FYB2: variants seen among roughly 807,000 people sequenced by gnomAD.
FYB2 encodes FYN-binding protein 2.
A neutral mutation model predicts 94.1 loss-of-function variants in FYB2; 103 were observed. The observed-to-expected ratio is 1.09, with a 90% CI of 0.93 to 1.29. The LOEUF is 1.29. Among genes scored for constraint, FYB2 ranks in the 50% most tolerant of loss-of-function variants. FYB2 has a pLI of 0.00. For missense variants in FYB2, 896 were observed against 841.5 expected (o/e 1.06, Z -0.80); for synonymous variants, 293 against 287.9 (o/e 1.02, Z -0.18).
chr1:56,722,927 A>G (rs1325806920), intron 17 of FYB2, among the ~76,000 whole-genome samples: 1 of 152,048 alleles, frequency 6.6e-6, no homozygotes, highest in Non-Finnish European at 1.5e-5. Context: ...TTCATAGTTA[A>G]TAATCCTCAC....
the FYB2 span, among the ~76,000 whole-genome samples, chr1:56,826,213 G>A: frequency 6.6e-6 from 1 of 152,024 alleles, no homozygotes; most frequent in Non-Finnish European, 1.5e-5. Flanking sequence ...GTTTAGTCCT[G>A]GGAGGGGTAC....
At chr1:56,786,558 T>A (rs1034576631) in intron 4 of FYB2, among the ~76,000 whole-genome samples, 8 of 152,188 alleles carry the variant, frequency 5.3e-5, no homozygotes, top group Non-Finnish European at 1.2e-4. Context: ...ATAATCAGTG[T>A]AGTTATGGCA....
rs61017779 is a variant in FYB2 at position 56,758,233 on chromosome 1, G to A, written c.1098+483C>T. On this transcript the variant is annotated intron_variant, in intron 6 of 19. Coordinates refer to ENST00000343433, the MANE Select transcript of FYB2 (RefSeq NM_001004303.5). ...AGTTCTTTATTATCCCCATTTTGCA[G>A]GTGAGGAAATGGGCATTCAAGATCA... Among the ~76,000 whole-genome samples, 960 of 152,034 alleles carry A rather than the reference G, an allele frequency of 6.3e-3. 10 individuals carry two copies. The highest frequency in any genetic ancestry group is 0.022 in the African/African-American group (918 of 41,468).
Position 56,792,804 on chromosome 1 carries a change from C to T in FYB2, c.10-1G>A. Reference sequence around the variant, plus strand: ...GTTCCTTGAAGTTTCTTACCCCTTCCTAAGGCAAAGAATAATCAAACAAAC... The same window carrying T: ...GTTCCTTGAAGTTTCTTACCCCTTCTTAAGGCAAAGAATAATCAAACAAAC... On this transcript the variant is annotated splice_acceptor_variant, in intron 1 of 19. Transcript: ENST00000343433. LOFTEE classifies it high-confidence loss of function. 6.2e-7 allele frequency: 1 copy of T among 1,603,688 alleles called. No homozygotes were observed. The highest frequency in any genetic ancestry group is 8.5e-7 in the Non-Finnish European group (1 of 1,174,654).
At chr1:56,778,172 A>G (rs1645926407) in intron 4 of FYB2, among the ~76,000 whole-genome samples, 1 of 151,848 alleles carries the variant, frequency 6.6e-6, no homozygotes, top group South Asian at 2.1e-4. Context: ...TGTATGACCA[A>G]CTCTTTCTCA....
chr1:56,820,280 C>T (rs1161584646), upstream of FYB2, among the ~76,000 whole-genome samples: 5 of 151,524 alleles, frequency 3.3e-5, no homozygotes, highest in African/African-American at 1.2e-4. Context: ...GTAACACCTG[C>T]CCATGGTCAC....
chr1:56,822,800 T>C (rs1040682735), upstream of FYB2, among the ~76,000 whole-genome samples: 2 of 151,474 alleles, frequency 1.3e-5, no homozygotes, highest in African/African-American at 4.9e-5. Flanking sequence ...AAATCACGTG[T>C]CCTCACCTCT....
At chr1:56,743,057 AT>A in intron 11 of FYB2, among the ~76,000 whole-genome samples, 1 of 152,140 alleles carries the variant, frequency 6.6e-6, no homozygotes, top group African/African-American at 2.4e-5. Flanking sequence ...TACCTCACAT[AT>A]TTTTTGTGGT....
intron 9 of FYB2, among the ~76,000 whole-genome samples, chr1:56,749,175 T>C (rs1369489750): frequency 6.6e-6 from 1 of 151,860 alleles, no homozygotes; most frequent in Non-Finnish European, 1.5e-5. Flanking sequence ...TTCTGTTTTT[T>C]ATCCTGCTTG....
chr1:56,751,293 A>G lies in FYB2; in HGVS notation c.1228-90T>C, dbSNP rs562073740. 7 of 1,237,800 alleles carry G rather than the reference A, an allele frequency of 5.7e-6. No homozygotes were observed. The East Asian group carries it at 1.2e-4, about 22-fold the overall frequency. The allele number at this position is 1,237,800 out of a possible 1,614,324, so 76.7% of individuals were successfully genotyped here. On this transcript the variant is annotated intron_variant, in intron 8 of 19. Coordinates refer to ENST00000343433, the MANE Select transcript of FYB2 (RefSeq NM_001004303.5). ...TTGTACAGTTTTTCATTCATTCCTC[A>G]TGGATAACAATTATTTATCATTTAT...
At chr1:56,785,722 A>G (rs1646119403) in intron 4 of FYB2, among the ~76,000 whole-genome samples, 1 of 152,160 alleles carries the variant, frequency 6.6e-6, no homozygotes. Context: ...CAAATTAAAC[A>G]TGTTGCTTCA....
chr1:56,791,208 C>T (rs1306715471), intron 2 of FYB2, among the ~76,000 whole-genome samples: 1 of 151,656 alleles, frequency 6.6e-6, no homozygotes, highest in Non-Finnish European at 1.5e-5. Context: ...TTCAATCTGG[C>T]GTTTTTCTTC....
chr1:56,790,958 T>A (rs1447309777), intron 2 of FYB2, among the ~76,000 whole-genome samples: 1 of 152,080 alleles, frequency 6.6e-6, no homozygotes, highest in Non-Finnish European at 1.5e-5. Flanking sequence ...ACAAAGCTTA[T>A]TTAAGGAACA....
intron 9 of FYB2, among the ~76,000 whole-genome samples, chr1:56,748,109 T>G (rs1645110729): frequency 6.6e-6 from 1 of 152,128 alleles, no homozygotes; most frequent in South Asian, 2.1e-4. Context: ...TTTATTCTTG[T>G]AAATTTGTTT....
At chr1:56,784,742 T>C (rs1646093174) in intron 4 of FYB2, among the ~76,000 whole-genome samples, 1 of 152,220 alleles carries the variant, frequency 6.6e-6, no homozygotes, top group Non-Finnish European at 1.5e-5. Context: ...AATCCATTGG[T>C]CTGTCTATCT....
At chr1:56,792,989 GC>G (rs573459075) in intron 1 of FYB2, among the ~76,000 whole-genome samples, 186 bp from the exon 2 acceptor site, 397 of 152,200 alleles carry the variant, frequency 2.6e-3, no homozygotes, top group African/African-American at 9.2e-3. Context: ...AGCCAGCAAT[GC>G]TATTGTCTAT....
At chr1:56,730,125 A>G (rs1644673143) in intron 15 of FYB2, among the ~76,000 whole-genome samples, 1 of 151,506 alleles carries the variant, frequency 6.6e-6, no homozygotes, top group African/African-American at 2.4e-5. Flanking sequence ...AAAGAATTAG[A>G]AAAGGAAGAA....
At chr1:56,741,984 G>A (rs1644964928) in intron 12 of FYB2, among the ~76,000 whole-genome samples, 177 bp downstream of exon 12, 1 of 148,044 alleles carries the variant, frequency 6.8e-6, no homozygotes, top group South Asian at 2.2e-4. Flanking sequence ...GATCACAATT[G>A]TAATATTACA....
At chr1:56,743,113 C>CT (rs1167000143) in intron 11 of FYB2, among the ~76,000 whole-genome samples, 1 of 151,882 alleles carries the variant, frequency 6.6e-6, no homozygotes, top group African/African-American at 2.4e-5. Flanking sequence ...GTATATAATA[C>CT]TTTTGTTATT....
Sources: allele counts gnomAD v4.1 joint callset (sites outside exome capture counted in the v4.1 genomes callset), GRCh38; gene constraint gnomAD v4.1.1; transcripts MANE v1.5; gene names NCBI Gene and HGNC (gene_info 2026-07-23, HGNC 2026-07-21).